FLRT2: variants seen among roughly 807,000 people sequenced by gnomAD.
FLRT2 encodes fibronectin leucine rich transmembrane protein 2.
FLRT2 carries 15 observed loss-of-function variants against 40.0 expected under a neutral mutation model. The ratio of observed to expected loss-of-function variants is 0.38; its 90% CI spans 0.25 to 0.58. The LOEUF is 0.58. Among genes scored for constraint, FLRT2 ranks in the 20% least tolerant of loss-of-function variants. The pLI is 0.71. For missense variants in FLRT2, 726 were observed against 840.0 expected (o/e 0.86, Z 1.68); for synonymous variants, 380 against 336.8 (o/e 1.13, Z -1.41).
Position 85,635,369 on chromosome 14 carries a change from AC to A in FLRT2, c.*11873del, listed in dbSNP as rs1296006666. The A allele has an allele frequency of 6.6e-6, 1 of 152,166 alleles. No homozygotes were observed. The highest frequency in any genetic ancestry group is 1.5e-5 in the Non-Finnish European group (1 of 67,988). The allele number at this position is 152,166 out of a possible 1,614,324, so 9.4% of individuals were successfully genotyped here. A position where few individuals can be genotyped will look rare whatever the true frequency, so the allele number is the denominator to read the frequency against. The stretch of plus-strand genomic sequence containing the variant: ...TGAATAGAAAGAGAAGCAAGTGAAA[AC>A]AAAACTCATTAGTTCAACCACTTCT... On this transcript the variant is annotated 3_prime_UTR_variant, in exon 2 of 2. Transcript: ENST00000330753.
In FLRT2 at chr14:85,646,378, T is replaced by G. The variant is rs956395098; in HGVS notation, c.*22881T>G. 1.1e-4 allele frequency: 16 copies of G among 152,162 alleles called. No homozygotes were observed. The highest frequency in any genetic ancestry group is 3.9e-4 in the African/African-American group (16 of 41,442). 9.4% of individuals were successfully genotyped at this position (152,162 alleles called of 1,614,324 possible). A position where few individuals can be genotyped will look rare whatever the true frequency, so the allele number is the denominator to read the frequency against. On this transcript the variant is annotated 3_prime_UTR_variant, in exon 2 of 2. Transcript: ENST00000330753. ...GGAAATACCAAAGCTCATGGTAATCTCAGATGTCATTGGACAGAGAAGCTC... is the reference window on the plus strand; with the variant it reads ...GGAAATACCAAAGCTCATGGTAATCGCAGATGTCATTGGACAGAGAAGCTC...
intron 1 of FLRT2, among the ~76,000 whole-genome samples, chr14:85,540,730 TTA>T (rs961007831): frequency 2.6e-5 from 4 of 152,152 alleles, no homozygotes; most frequent in African/African-American, 4.8e-5. Flanking sequence ...TGTTTTTTTT[TTA>T]AAGTTGATTA....
rs796258329 is a variant in FLRT2, at chr14:85,631,645, CAT to C, written c.*8155_*8156del. The C allele has an allele frequency of 3.3e-5, 5 of 152,212 alleles. No homozygotes were observed. Among genetic ancestry groups the C allele is most frequent in the African/African-American group, 1.2e-4 (5 of 41,530 alleles). 9.4% of individuals were successfully genotyped at this position (152,212 alleles called of 1,614,324 possible). On this transcript the variant is annotated 3_prime_UTR_variant, in exon 2 of 2. Coordinates refer to ENST00000330753, the MANE Select transcript of FLRT2 (RefSeq NM_013231.6). ...TATGCGTTTTACAAGAACAAACAAA[CAT>C]ATATATTTTCCTTAAAATCTCTTGA...
At chr14:85,592,342 C>A (rs1019163071) in intron 1 of FLRT2, among the ~76,000 whole-genome samples, 14 of 152,074 alleles carry the variant, frequency 9.2e-5, no homozygotes, top group African/African-American at 3.4e-4. Context: ...TTGTGGGACA[C>A]GTGGTAAATG....
Position 85,627,948 on chromosome 14 carries a change from T to C in FLRT2, c.*4451T>C, listed in dbSNP as rs1893759994. 6.0e-6 allele frequency: 1 copy of C among 166,960 alleles called. No homozygotes were observed. Among genetic ancestry groups the C allele is most frequent in the Admixed American group, 6.5e-5 (1 of 15,292 alleles). The allele number at this position is 166,960 out of a possible 1,614,324, so 10.3% of individuals were successfully genotyped here. The stretch of plus-strand genomic sequence containing the variant: ...ACCACATTGTGTTTATCTGAGTAAG[T>C]TCATTGGGATACAGTCAATACTTGT... On this transcript the variant is annotated 3_prime_UTR_variant, in exon 2 of 2. Transcript: ENST00000330753.
intron 1 of FLRT2, among the ~76,000 whole-genome samples, chr14:85,540,618 G>C (rs1052329838): frequency 1.3e-5 from 2 of 152,104 alleles, no homozygotes; most frequent in Non-Finnish European, 2.9e-5. Flanking sequence ...TGGCCAAAAT[G>C]AGTATTTCTT....
intron 1 of FLRT2, among the ~76,000 whole-genome samples, chr14:85,599,276 A>G (rs12898046): frequency 0.076 from 10,702 of 140,990 alleles, 488 homozygotes; most frequent in Non-Finnish European, 0.096. Flanking sequence ...TTTTGATCCT[A>G]TGAATCACTA....
chr14:85,554,844 G>A (rs932517710), intron 1 of FLRT2, among the ~76,000 whole-genome samples: 1 of 152,314 alleles, frequency 6.6e-6, no homozygotes, highest in Middle Eastern at 3.4e-3. Flanking sequence ...CCCATTAAGA[G>A]TTGACTCAAA....
At chr14:85,595,700 G>C (rs894295638) in intron 1 of FLRT2, among the ~76,000 whole-genome samples, 1 of 152,090 alleles carries the variant, frequency 6.6e-6, no homozygotes, top group Non-Finnish European at 1.5e-5. Flanking sequence ...AAAGGGCATC[G>C]ATAGAATTAA....
intron 1 of FLRT2, among the ~76,000 whole-genome samples, chr14:85,547,951 T>G (rs1889378208): frequency 6.6e-6 from 1 of 152,224 alleles, no homozygotes; most frequent in African/African-American, 2.4e-5. Context: ...AGTTTCTGAT[T>G]AGCTTCTCCA....
At chr14:85,571,087 T>C (rs931907133) in intron 1 of FLRT2, among the ~76,000 whole-genome samples, 1 of 152,116 alleles carries the variant, frequency 6.6e-6, no homozygotes, top group Non-Finnish European at 1.5e-5. Context: ...TCTGAAGATT[T>C]GGGACTCGGG....
chr14:85,577,549 A>C (rs1891169395), intron 1 of FLRT2, among the ~76,000 whole-genome samples: 1 of 151,920 alleles, frequency 6.6e-6, no homozygotes, highest in Non-Finnish European at 1.5e-5. Flanking sequence ...TTAGCCTCTG[A>C]GGACTATGCC....
Position 85,633,385 on chromosome 14 carries a change from C to G in FLRT2, c.*9888C>G, listed in dbSNP as rs934976497. On this transcript the variant is annotated 3_prime_UTR_variant, in exon 2 of 2. Coordinates refer to ENST00000330753, the MANE Select transcript of FLRT2 (RefSeq NM_013231.6). ...CTTTATAATGTAGCATATATTCTATCTGGTTGCTAGAGTACACATAGATGT... is the reference window on the plus strand; with the variant it reads ...CTTTATAATGTAGCATATATTCTATGTGGTTGCTAGAGTACACATAGATGT... 3 of 152,072 alleles carry G rather than the reference C, an allele frequency of 2.0e-5. No individual in the cohort carries two copies. The highest frequency in any genetic ancestry group is 4.4e-5 in the Non-Finnish European group (3 of 68,030). The allele number at this position is 152,072 out of a possible 1,614,324, so 9.4% of individuals were successfully genotyped here.
chr14:85,551,118 A>G (rs1007216961), intron 1 of FLRT2, among the ~76,000 whole-genome samples: 7 of 152,238 alleles, frequency 4.6e-5, no homozygotes, highest in African/African-American at 1.4e-4. Flanking sequence ...TCTAGTGAGA[A>G]ATCTTTAATT....
intron 1 of FLRT2, among the ~76,000 whole-genome samples, chr14:85,604,193 T>A (rs1337819542): frequency 1.3e-5 from 2 of 152,138 alleles, no homozygotes; most frequent in Non-Finnish European, 2.9e-5. Context: ...TTAACTATAA[T>A]CTGCTTTGTC....
At chr14:85,593,815 G>C (rs1402545029) in intron 1 of FLRT2, among the ~76,000 whole-genome samples, 1 of 152,100 alleles carries the variant, frequency 6.6e-6, no homozygotes, top group Non-Finnish European at 1.5e-5. Flanking sequence ...TTCAAGGCAG[G>C]CGGATCACTT....
chr14:85,535,337 A>G (rs956928101), intron 1 of FLRT2, among the ~76,000 whole-genome samples: 1 of 129,162 alleles, frequency 7.7e-6, no homozygotes, highest in Non-Finnish European at 1.7e-5. Context: ...ATAAATATCC[A>G]ATGAAAAGCC....
At chr14:85,543,570 CCT>C (rs1474029536) in intron 1 of FLRT2, among the ~76,000 whole-genome samples, 1 of 151,746 alleles carries the variant, frequency 6.6e-6, no homozygotes, top group Non-Finnish European at 1.5e-5. Flanking sequence ...CCTTTAGAAA[CCT>C]ATATCTTTGG....
intron 1 of FLRT2, among the ~76,000 whole-genome samples, chr14:85,587,155 A>G (rs563337654): frequency 6.6e-6 from 1 of 152,242 alleles, no homozygotes; most frequent in African/African-American, 2.4e-5. Flanking sequence ...TTCGCTTTCA[A>G]AATGATCCTT....
Sources: gnomAD v4.1 joint callset for allele counts (sites outside exome capture counted in the v4.1 genomes callset) on GRCh38, gnomAD v4.1.1 for gene constraint, MANE v1.5 for transcripts, NCBI Gene and HGNC (gene_info 2026-07-23, HGNC 2026-07-21) for gene names.